Variants in CUL1 observed in about 807,000 individuals in gnomAD.
CUL1 encodes cullin 1, also known as cullin-1.
A neutral mutation model predicts 118.0 loss-of-function variants in CUL1; 24 were observed. The observed-to-expected ratio is 0.20, with a 90% confidence interval of 0.15 to 0.29. CUL1 has a LOEUF of 0.29. Among genes scored for constraint, CUL1 ranks in the 10% least tolerant of loss-of-function variants. The pLI, the probability that CUL1 is intolerant of heterozygous loss-of-function variation, is 1.00. For missense variants in CUL1, 361 were observed against 933.8 expected (o/e 0.39, Z 7.99); for synonymous variants, 332 against 340.4 (o/e 0.98, Z 0.27).
chr7:148,717,031 T>C (rs905699668), intron 1 of CUL1, among the ~76,000 whole-genome samples: 8 of 146,192 alleles, frequency 5.5e-5, no homozygotes, highest in Non-Finnish European at 1.2e-4. Context: ...TTGTTTTGAA[T>C]TTTGTTTTTC....
At chr7:148,730,300 T>G (rs1171262810) in intron 2 of CUL1, 38 bp downstream of exon 2, 1 of 1,567,322 alleles carries the variant, frequency 6.4e-7, no homozygotes, top group Non-Finnish European at 8.7e-7. Context: ...TGCTTAGAGT[T>G]TTGATTATTT....
chr7:148,749,910 G>T (rs1241868531), intron 2 of CUL1, among the ~76,000 whole-genome samples: 1 of 152,230 alleles, frequency 6.6e-6, no homozygotes, highest in Non-Finnish European at 1.5e-5. Context: ...TCCAGTGAAT[G>T]CACAAATGAT....
At chr7:148,721,892 A>T (rs1798409522) in intron 1 of CUL1, among the ~76,000 whole-genome samples, 1 of 152,134 alleles carries the variant, frequency 6.6e-6, no homozygotes, top group South Asian at 2.1e-4. Context: ...TGCTATTATA[A>T]ACAGTGCAGC....
At chr7:148,736,573 G>A (rs1298499579) in intron 2 of CUL1, among the ~76,000 whole-genome samples, 2 of 152,128 alleles carry the variant, frequency 1.3e-5, no homozygotes, top group Admixed American at 1.3e-4. Flanking sequence ...AAAGTTGTGG[G>A]GTTATAGGCA....
At position 148,755,005 on chromosome 7, in the gene CUL1, C is replaced by T. The variant is rs1445720457; in HGVS notation, c.315+855C>T. On this transcript the variant is annotated intron_variant, in intron 3 of 21. Transcript: ENST00000325222. ...CTGGGCTCAAGCAGTCCTCCACCTC[C>T]ACCTCCCGAAGTGTTGGGATTACAG... is the stretch of plus-strand genomic sequence containing the variant. 3.3e-5 allele frequency among the ~76,000 whole-genome samples: 5 copies of T among 152,204 alleles called. No homozygotes were observed. In the East Asian group the frequency reaches 7.7e-4, roughly 23 times the overall value.
chr7:148,782,002 G>A (rs1241606325), intron 9 of CUL1, among the ~76,000 whole-genome samples: 5 of 152,194 alleles, frequency 3.3e-5, no homozygotes, highest in African/African-American at 1.2e-4. Context: ...CCGTTAACTT[G>A]TTAAGGATCC....
intron 7 of CUL1, among the ~76,000 whole-genome samples, chr7:148,760,918 T>G (rs1441661828): frequency 6.6e-6 from 1 of 152,228 alleles, no homozygotes; most frequent in African/African-American, 2.4e-5. Flanking sequence ...GAAAAGTTCT[T>G]CTGAAACTAG....
At chr7:148,730,285 T>C (rs1229864303) in intron 2 of CUL1, 23 bp downstream of exon 2, 1 of 1,584,358 alleles carries the variant, frequency 6.3e-7, no homozygotes, top group African/African-American at 1.4e-5. Context: ...CTAGCGCAGG[T>C]TGATTGCTTA....
At chr7:148,794,564 T>TA (rs1278133518) in intron 17 of CUL1, among the ~76,000 whole-genome samples, 1 of 152,222 alleles carries the variant, frequency 6.6e-6, no homozygotes, top group Non-Finnish European at 1.5e-5. Flanking sequence ...TATGTTACCT[T>TA]ATGAATTTCA....
intron 2 of CUL1, among the ~76,000 whole-genome samples, chr7:148,734,603 C>A (rs1222882456): frequency 6.6e-6 from 1 of 152,052 alleles, no homozygotes; most frequent in African/African-American, 2.4e-5. Context: ...GTAAATAATA[C>A]CAGGTTTCTT....
chr7:148,779,611 G>A (rs1800543840), intron 9 of CUL1, among the ~76,000 whole-genome samples: 1 of 152,170 alleles, frequency 6.6e-6, no homozygotes, highest in African/African-American at 2.4e-5. Context: ...GATGATATTG[G>A]CTTAATCCTG....
At chr7:148,737,999 G>A (rs1205773478) in intron 2 of CUL1, among the ~76,000 whole-genome samples, 2 of 152,152 alleles carry the variant, frequency 1.3e-5, no homozygotes, top group African/African-American at 4.8e-5. Flanking sequence ...AGTCGCATTT[G>A]GGAAACAAGT....
intron 2 of CUL1, among the ~76,000 whole-genome samples, chr7:148,735,910 C>T (rs927104953): frequency 2.0e-5 from 3 of 151,864 alleles, no homozygotes; most frequent in South Asian, 2.1e-4. Flanking sequence ...GCCATGCTCA[C>T]GCCTTTAATT....
chr7:148,751,236 C>A (rs180945237), intron 2 of CUL1, among the ~76,000 whole-genome samples: 215 of 152,160 alleles, frequency 1.4e-3, no homozygotes, highest in Non-Finnish European at 2.7e-3. Context: ...CATAGCAAGA[C>A]CCCATCTCTA....
chr7:148,755,398 A>C (rs576997537), intron 3 of CUL1, among the ~76,000 whole-genome samples: 1 of 152,236 alleles, frequency 6.6e-6, no homozygotes, highest in Admixed American at 6.5e-5. Flanking sequence ...ACAATGTGCA[A>C]AAATTCTGCA....
intron 2 of CUL1, 78 bp from the exon 3 acceptor site, chr7:148,753,898 G>A: frequency 8.8e-7 from 1 of 1,134,238 alleles, no homozygotes; most frequent in Middle Eastern, 2.2e-4. Context: ...CATTGGTAAT[G>A]AAATATAAGA....
At chr7:148,719,298 G>A (rs1049245631) in intron 1 of CUL1, among the ~76,000 whole-genome samples, 2 of 150,866 alleles carry the variant, frequency 1.3e-5, no homozygotes, top group Admixed American at 6.6e-5. Flanking sequence ...GTGACAGAGC[G>A]AGACTTCGTC....
chr7:148,750,500 C>T (rs1280821089), intron 2 of CUL1, among the ~76,000 whole-genome samples: 1 of 152,058 alleles, frequency 6.6e-6, no homozygotes, highest in African/African-American at 2.4e-5. Flanking sequence ...CTTCCTGTGT[C>T]CAAGTGTCTT....
At chr7:148,760,522 T>G (rs779041434) in intron 7 of CUL1, 26 bp downstream of exon 7, 109 of 1,535,302 alleles carry the variant, frequency 7.1e-5, no homozygotes, top group Non-Finnish European at 9.4e-5. Context: ...GTACTTTAAG[T>G]AGACTTAAGT....
Sources: gnomAD v4.1 joint callset for allele counts (sites outside exome capture counted in the v4.1 genomes callset) on GRCh38, gnomAD v4.1.1 for gene constraint, MANE v1.5 for transcripts, NCBI Gene and HGNC (gene_info 2026-07-23, HGNC 2026-07-21) for gene names.